Variants in SENP6 observed in about 807,000 individuals in gnomAD.
SENP6 encodes the protein sentrin-specific protease 6.
Under a neutral mutation model 134.5 loss-of-function variants are expected in SENP6, and 41 were observed. That is an observed-to-expected ratio of 0.30 (90% CI 0.24 to 0.40). The LOEUF (loss-of-function observed/expected upper bound fraction) is 0.40. Ranked by LOEUF, SENP6 falls within the 10% of genes least tolerant of loss-of-function variation. The probability of loss-of-function intolerance (pLI) is 1.00; values close to 1 mark genes in which losing one functional copy is unlikely to be tolerated. For synonymous variants in SENP6, 395 were observed against 429.8 expected (o/e 0.92, Z 1.00); for missense variants, 1,248 against 1,312.5 (o/e 0.95, Z 0.76).
rs940488596 is a variant in SENP6, at chr6:75,634,767, T to C, written c.414T>C (p.His138=). ...SGTVVHGRRF[H]HAHAQIPVVK... ...CTGTAGTTCATGGTAGACGTTTTCA[T>C]CATGCTCATGCACAGATACCAGTAG... is the stretch of plus-strand genomic sequence containing the variant. Residue 138 remains histidine (H), a synonymous_variant, in exon 5 of 24, where the codon CAT becomes CAC. Transcript: ENST00000447266. 4 of 1,598,140 alleles carry C rather than the reference T, an allele frequency of 2.5e-6. No individual in the cohort carries two copies. Among genetic ancestry groups the C allele is most frequent in the Non-Finnish European group, 2.5e-6 (3 of 1,176,506 alleles).
chr6:75,647,677 A>G (rs1216408243), intron 6 of SENP6, 54 bp from the exon 7 acceptor site: 2 of 1,295,902 alleles, frequency 1.5e-6, no homozygotes, highest in African/African-American at 2.9e-5. Flanking sequence ...TAACTTTTTC[A>G]TTTTGAAAAC....
chr6:75,602,877 G>A (rs556047918), intron 1 of SENP6, among the ~76,000 whole-genome samples: 1 of 152,312 alleles, frequency 6.6e-6, no homozygotes, highest in Non-Finnish European at 1.5e-5. Flanking sequence ...AAAAATTTTG[G>A]GGTGGTGGCC....
intron 11 of SENP6, among the ~76,000 whole-genome samples, 156 bp from the exon 12 acceptor site, chr6:75,675,279 A>G (rs534184916): frequency 5.3e-5 from 8 of 152,310 alleles, no homozygotes; most frequent in African/African-American, 1.2e-4. Context: ...TAGATAAGCA[A>G]TGTTTAGGTG....
intron 3 of SENP6, among the ~76,000 whole-genome samples, chr6:75,633,116 G>A (rs1769234960): frequency 6.6e-6 from 1 of 152,046 alleles, no homozygotes; most frequent in Non-Finnish European, 1.5e-5. Context: ...ATTATTATTT[G>A]CATCTATTGA....
At chr6:75,634,974 A>G (rs1210214147) in intron 5 of SENP6, 163 bp downstream of exon 5, 5 of 682,566 alleles carry the variant, frequency 7.3e-6, no homozygotes, top group African/African-American at 3.5e-5. Context: ...ATACTATTTT[A>G]TATCTGCTTT....
Position 75,705,480 on chromosome 6 carries a change from G to C in SENP6, c.2716+2408G>C, listed in dbSNP as rs563832293. Among the ~76,000 whole-genome samples, 3 of 152,216 alleles carry C rather than the reference G, an allele frequency of 2.0e-5. No individual in the cohort carries two copies. In the South Asian group the frequency reaches 6.2e-4, roughly 32 times the overall value. ...GAATCACTTGAACCTGGGGGCGGAGGTTGCAGTGAGCTGGGATCGCGCAAC... is the reference window on the plus strand; with the variant it reads ...GAATCACTTGAACCTGGGGGCGGAGCTTGCAGTGAGCTGGGATCGCGCAAC... On this transcript the variant is annotated intron_variant, in intron 19 of 23. Coordinates refer to ENST00000447266, the MANE Select transcript of SENP6 (RefSeq NM_015571.4).
intron 3 of SENP6, among the ~76,000 whole-genome samples, chr6:75,632,832 T>C (rs1031513670): frequency 1.3e-5 from 2 of 152,166 alleles, no homozygotes; most frequent in African/African-American, 2.4e-5. Context: ...TTACACCTTA[T>C]TTCCTCCCAG....
At position 75,662,153 on chromosome 6, in the gene SENP6, A is replaced by G. The variant is rs1324684556; in HGVS notation, c.697-1068A>G. Among the ~76,000 whole-genome samples, 9 of 152,228 alleles carry G rather than the reference A, an allele frequency of 5.9e-5. No homozygotes were observed. The South Asian group carries it at 6.2e-4, about 10-fold the overall frequency. On this transcript the variant is annotated intron_variant, in intron 8 of 23. Coordinates refer to ENST00000447266, the MANE Select transcript of SENP6 (RefSeq NM_015571.4). Reference sequence around the variant, plus strand: ...AAAAATGACATAGTCTCAAAGACAGACTTATTAAGTGCAGTTGGTTATTTA... The same window carrying G: ...AAAAATGACATAGTCTCAAAGACAGGCTTATTAAGTGCAGTTGGTTATTTA...
chr6:75,635,928 A>G (rs1201562465), intron 5 of SENP6, among the ~76,000 whole-genome samples: 1 of 152,090 alleles, frequency 6.6e-6, no homozygotes, highest in Non-Finnish European at 1.5e-5. Flanking sequence ...CCTTATAATC[A>G]ATTTAGGTGA....
chr6:75,608,013 T>C (rs1205852864), intron 1 of SENP6, among the ~76,000 whole-genome samples: 7 of 152,194 alleles, frequency 4.6e-5, no homozygotes, highest in Non-Finnish European at 1.0e-4. Context: ...TTGCATTACT[T>C]TTGGAAACTA....
chr6:75,677,212 A>T lies in SENP6; in HGVS notation c.1804A>T (p.Ser602Cys). 6.2e-7 allele frequency: 1 copy of T among 1,604,162 alleles called. No homozygotes were observed. The highest frequency in any genetic ancestry group is 8.5e-7 in the Non-Finnish European group (1 of 1,175,552). ...TGCCTGTACAAGAACCTATGAAGAGAGCATCAAAGGAAGTTGTGGGCAAAA... is the reference window on the plus strand; with the variant it reads ...TGCCTGTACAAGAACCTATGAAGAGTGCATCAAAGGAAGTTGTGGGCAAAA... The part of the protein sequence containing the change: ...LVACTRTYEE[S>C]IKGSCGQKEN... The change falls in exon 14 of 24, where the codon AGC (serine) becomes TGC (cysteine). Residue 602 changes from serine to cysteine, a missense_variant. By Grantham distance (112) the Ser-to-Cys change is moderately radical. Transcript: ENST00000447266.
At chr6:75,672,373 A>G (rs1025607369) in intron 11 of SENP6, among the ~76,000 whole-genome samples, 2 of 152,204 alleles carry the variant, frequency 1.3e-5, no homozygotes, top group South Asian at 2.1e-4. Context: ...CTAATAGGTT[A>G]TATTTGCTAC....
chr6:75,626,339 TTATA>T (rs371571007), intron 3 of SENP6, among the ~76,000 whole-genome samples: 1 of 149,524 alleles, frequency 6.7e-6, no homozygotes, highest in African/African-American at 2.4e-5. Context: ...GCTTAGCTTT[TTATA>T]TATATATATA....
chr6:75,675,310 A>C (rs752226760), intron 11 of SENP6, 125 bp from the exon 12 acceptor site: 10 of 572,924 alleles, frequency 1.7e-5, no homozygotes, highest in Non-Finnish European at 2.8e-5. Flanking sequence ...TGTTATACCA[A>C]CTTCTCTGTG....
intron 9 of SENP6, among the ~76,000 whole-genome samples, chr6:75,665,313 A>G (rs1772119430): frequency 6.6e-6 from 1 of 152,072 alleles, no homozygotes; most frequent in African/African-American, 2.4e-5. Flanking sequence ...TGATATTTAA[A>G]CTAATACTTG....
rs199676354 is a variant in SENP6 at position 75,715,481 on chromosome 6, C to T, written c.3226C>T (p.Leu1076=). Residue 1076 remains leucine, a synonymous_variant, in exon 24 of 24, where the codon CTG becomes TTG. Transcript: ENST00000447266. ...TKREEIRNII[L]KLQEDQSKEK... is the part of the protein sequence containing the mutation. Reference sequence around the variant, plus strand: ...AAGAGAAGAAATCCGAAACATAATTCTGAAGCTACAGGAAGATCAGAGCAA... The same window carrying T: ...AAGAGAAGAAATCCGAAACATAATTTTGAAGCTACAGGAAGATCAGAGCAA... 1.1e-4 allele frequency: 183 copies of T among 1,613,246 alleles called. No individual in the cohort carries two copies. Among genetic ancestry groups the T allele is most frequent in the South Asian group, 1.4e-4 (13 of 91,054 alleles).
chr6:75,642,921 T>TA (rs1770140446), intron 6 of SENP6, among the ~76,000 whole-genome samples: 1 of 152,030 alleles, frequency 6.6e-6, no homozygotes, highest in Non-Finnish European at 1.5e-5. Context: ...AAGACAGAGG[T>TA]AAAACCAATC....
chr6:75,659,842 G>T lies in SENP6; in HGVS notation c.696+435G>T, dbSNP rs183181573. Among the ~76,000 whole-genome samples, 80 of 152,130 alleles carry T rather than the reference G, an allele frequency of 5.3e-4. 1 individual carries two copies. The highest frequency in any genetic ancestry group is 3.4e-3 in the Middle Eastern group (1 of 294). ...ATATGTATTTTTTTGTACTATTTGA[G>T]TTGAAGTTGCAAGCATGATGCCCAT... On this transcript the variant is annotated intron_variant, in intron 8 of 23. Coordinates refer to ENST00000447266, the MANE Select transcript of SENP6 (RefSeq NM_015571.4).
At chr6:75,658,568 T>G (rs1244793176) in intron 7 of SENP6, among the ~76,000 whole-genome samples, 1 of 152,002 alleles carries the variant, frequency 6.6e-6, no homozygotes, top group African/African-American at 2.4e-5. Context: ...ATCAAATCAT[T>G]TAAACATTAT....
Sources: gnomAD v4.1 joint callset for allele counts (sites outside exome capture counted in the v4.1 genomes callset) on GRCh38, gnomAD v4.1.1 for gene constraint, MANE v1.5 for transcripts, NCBI Gene and HGNC (gene_info 2026-07-23, HGNC 2026-07-21) for gene names.